Variants in ATG4C observed in about 807,000 individuals in gnomAD.
The protein encoded by ATG4C is cysteine protease ATG4C.
In ATG4C, 56 loss-of-function variants were observed where a neutral mutation model predicts 57.6. The observed-to-expected ratio is 0.97, with a 90% CI of 0.78 to 1.21. The LOEUF (loss-of-function observed/expected upper bound fraction) is 1.21, where lower values mean the gene tolerates loss of function less well. ATG4C is among the 50% of genes most tolerant of loss of function. The pLI is 0.00. For synonymous variants in ATG4C, 157 were observed against 174.1 expected, an observed-to-expected ratio of 0.90 and a Z score of 0.78; for missense variants, 595 against 529.8, an observed-to-expected ratio of 1.12 and a Z score of -1.21.
At chr1:62,848,356 AAG>A (rs1480628096) in intron 10 of ATG4C, among the ~76,000 whole-genome samples, 1 of 152,176 alleles carries the variant, frequency 6.6e-6, no homozygotes, top group African/African-American at 2.4e-5. Context: ...TTGTGTTTTA[AAG>A]AGTCAGTATT....
intron 6 of ATG4C, among the ~76,000 whole-genome samples, chr1:62,821,575 A>G (rs1345987992): frequency 1.3e-5 from 2 of 152,082 alleles, no homozygotes; most frequent in Admixed American, 6.6e-5. Flanking sequence ...GAGGAATTGA[A>G]TATATTTCTC....
chr1:62,812,152 A>C (rs991109948), intron 3 of ATG4C, among the ~76,000 whole-genome samples: 1 of 152,012 alleles, frequency 6.6e-6, no homozygotes, highest in Non-Finnish European at 1.5e-5. Context: ...TAGCCACTTC[A>C]CAGACAACAC....
At position 62,837,105 on chromosome 1, in the gene ATG4C, C is replaced by T. The variant is rs1572151939; in HGVS notation, c.1089+2253C>T. Among the ~76,000 whole-genome samples the T allele has an allele frequency of 2.0e-5, 3 of 152,096 alleles. No individual in the cohort carries two copies. The South Asian group carries it at 6.2e-4, about 32-fold the overall frequency. On this transcript the variant is annotated intron_variant, in intron 9 of 10. Transcript: ENST00000317868. ...CTTGAGTCCTCTGTTGAACTCTTTT[C>T]TTCTCTGTGATTCCAAGTGTTTTGA...
At chr1:62,796,394 C>T in intron 1 of ATG4C, among the ~76,000 whole-genome samples, 1 of 152,064 alleles carries the variant, frequency 6.6e-6, no homozygotes, top group South Asian at 2.1e-4. Flanking sequence ...TATGAATTAA[C>T]AAGGAATAAT....
At chr1:62,795,612 G>C (rs1200377804) in intron 1 of ATG4C, among the ~76,000 whole-genome samples, 2 of 152,136 alleles carry the variant, frequency 1.3e-5, no homozygotes, top group African/African-American at 2.4e-5. Context: ...GAAGATGGCA[G>C]GTGATAAGGT....
Position 62,803,733 on chromosome 1 carries a change from T to A in ATG4C, c.-54T>A, listed in dbSNP as rs7543278. ...AATTTTTAAAGTCAGTATAAAAGAT[T>A]AAACTCTACAGAAGAATGCAATCAA... is the stretch of plus-strand genomic sequence containing the variant. On this transcript the variant is annotated 5_prime_UTR_variant, in exon 2 of 11. Coordinates refer to ENST00000317868, the MANE Select transcript of ATG4C (RefSeq NM_032852.4). 3.1e-4 allele frequency: 402 copies of A among 1,284,680 alleles called. No homozygotes were observed. The African/African-American group carries it at 5.2e-3, about 17-fold the overall frequency. The allele number at this position is 1,284,680 out of a possible 1,614,324, so 79.6% of individuals were successfully genotyped here.
intron 10 of ATG4C, among the ~76,000 whole-genome samples, chr1:62,849,610 C>T (rs1002347601): frequency 6.6e-6 from 1 of 151,946 alleles, no homozygotes; most frequent in African/African-American, 2.4e-5. Flanking sequence ...CTCCCGGATT[C>T]TAGTGATTCT....
At chr1:62,845,818 C>T (rs1666310779) in intron 10 of ATG4C, among the ~76,000 whole-genome samples, 1 of 152,158 alleles carries the variant, frequency 6.6e-6, no homozygotes, top group African/African-American at 2.4e-5. Flanking sequence ...TCTCCTGCCT[C>T]AGCCTCCCTA....
rs571972655 is a variant in ATG4C, at chr1:62,819,233, C to T, written c.623C>T (p.Pro208Leu). 3 of 1,613,448 alleles carry T rather than the reference C, an allele frequency of 1.9e-6. No homozygotes were observed. The highest frequency in any genetic ancestry group is 4.5e-5 in the East Asian group (2 of 44,818). ...RKIISWFGDSPLALFGLHQLI... is the reference protein window; with the variant it reads ...RKIISWFGDSLLALFGLHQLI... ...ATCATCTCTTGGTTTGGTGATTCCCCCTTGGCTCTTTTTGGCTTACATCAA... is the reference window on the plus strand; with the variant it reads ...ATCATCTCTTGGTTTGGTGATTCCCTCTTGGCTCTTTTTGGCTTACATCAA... The change falls in exon 5 of 11, where the codon CCC becomes CTC. Residue 208 changes from proline (P) to leucine (L), a missense_variant. Physicochemically the swap from Pro to Leu is moderately conservative, Grantham distance 98. Transcript: ENST00000317868.
At chr1:62,825,559 C>T (rs868688493) in intron 6 of ATG4C, among the ~76,000 whole-genome samples, 4 of 152,110 alleles carry the variant, frequency 2.6e-5, no homozygotes, top group African/African-American at 9.6e-5. Context: ...ATCTTTTTTT[C>T]TGTCTATACT....
chr1:62,821,030 A>G (rs758536919), intron 5 of ATG4C, 109 bp from the exon 6 acceptor site: 1 of 746,326 alleles, frequency 1.3e-6, no homozygotes, highest in South Asian at 2.2e-5. Context: ...ACTATGAGTT[A>G]AATAGGAAAG....
chr1:62,850,858 A>ATG (rs1242790645), intron 10 of ATG4C, among the ~76,000 whole-genome samples: 53 of 47,944 alleles, frequency 1.1e-3, no homozygotes, highest in African/African-American at 4.2e-3. Context: ...ATGTATGTAT[A>ATG]TATATATATA....
At chr1:62,804,965 A>G (rs1664808807) in intron 2 of ATG4C, among the ~76,000 whole-genome samples, 1 of 152,166 alleles carries the variant, frequency 6.6e-6, no homozygotes, top group African/African-American at 2.4e-5. Context: ...TGTGTTTAAA[A>G]TTCTTAACTT....
At chr1:62,805,135 A>G (rs1287660548) in intron 2 of ATG4C, 37 bp from the exon 3 acceptor site, 4 of 1,512,820 alleles carry the variant, frequency 2.6e-6, no homozygotes, top group Non-Finnish European at 3.5e-6. Context: ...TCTTTTAATT[A>G]CAAAACGTTT....
chr1:62,814,847 T>G (rs1665212040), intron 3 of ATG4C, among the ~76,000 whole-genome samples: 1 of 152,296 alleles, frequency 6.6e-6, no homozygotes, highest in African/African-American at 2.4e-5. Context: ...AGTGGATTAC[T>G]TGAGGCCGGG....
intron 3 of ATG4C, among the ~76,000 whole-genome samples, chr1:62,806,680 A>G (rs1664890440): frequency 6.6e-6 from 1 of 152,136 alleles, no homozygotes; most frequent in Non-Finnish European, 1.5e-5. Context: ...AAAGAGAGAG[A>G]GCCAGAAAGG....
intron 10 of ATG4C, 145 bp from the exon 11 acceptor site, chr1:62,863,847 A>G: frequency 3.8e-6 from 2 of 520,904 alleles, no homozygotes; most frequent in South Asian, 7.5e-5. Context: ...TCTTTTAGCC[A>G]GAACAGGCAA....
chr1:62,837,710 GA>G (rs1666038751), intron 9 of ATG4C, among the ~76,000 whole-genome samples: 2 of 152,248 alleles, frequency 1.3e-5, no homozygotes, highest in South Asian at 4.1e-4. Flanking sequence ...ATCTAGATTG[GA>G]TGAGTGAATT....
intron 10 of ATG4C, among the ~76,000 whole-genome samples, chr1:62,852,385 A>G (rs1355163767): frequency 1.3e-5 from 2 of 152,194 alleles, no homozygotes; most frequent in Non-Finnish European, 2.9e-5. Flanking sequence ...TTCTTCATGA[A>G]CATTATAATC....
Sources: allele counts gnomAD v4.1 joint callset (sites outside exome capture counted in the v4.1 genomes callset), GRCh38; gene constraint gnomAD v4.1.1; transcripts MANE v1.5; gene names NCBI Gene and HGNC (gene_info 2026-07-23, HGNC 2026-07-21).